The following TENM2 variants were observed in gnomAD, a reference collection of about 807,000 sequenced individuals.
TENM2 encodes the protein teneurin transmembrane protein 2.
TENM2 carries 52 observed loss-of-function variants against 245.2 expected under a neutral mutation model. The ratio of observed to expected loss-of-function variants is 0.21; its 90% confidence interval spans 0.17 to 0.27. The LOEUF is 0.27. Among genes scored for constraint, TENM2 ranks in the 10% least tolerant of loss-of-function variants. TENM2 has a pLI of 1.00. For synonymous variants in TENM2, 1,363 were observed against 1,438.9 expected (o/e 0.95, Z 1.19); for missense variants, 3,046 against 3,666.8 (o/e 0.83, Z 4.37).
At chr5:167,433,170 G>A (rs1764351096) in intron 2 of TENM2, among the ~76,000 whole-genome samples, 1 of 151,238 alleles carries the variant, frequency 6.6e-6, no homozygotes, top group Non-Finnish European at 1.5e-5. Flanking sequence ...CCTTAACAAA[G>A]TTTATTAACA....
At chr5:167,441,205 C>G (rs1171988184) in intron 2 of TENM2, among the ~76,000 whole-genome samples, 1 of 152,104 alleles carries the variant, frequency 6.6e-6, no homozygotes, top group African/African-American at 2.4e-5. Context: ...AATATTAACT[C>G]TTTTTTCAAG....
intron 5 of TENM2, among the ~76,000 whole-genome samples, chr5:168,036,933 C>T (rs1013547176): frequency 6.6e-6 from 1 of 151,900 alleles, no homozygotes; most frequent in African/African-American, 2.4e-5. Flanking sequence ...GCTCTTTCCT[C>T]ATAAGAAGCT....
At position 168,218,607 on chromosome 5, in the gene TENM2, G is replaced by A. The variant is rs1011287548; in HGVS notation, c.4716G>A (p.Lys1572=). Residue 1572 remains lysine (K), a synonymous_variant, in exon 23 of 29, where the codon AAG becomes AAA. Coordinates refer to ENST00000518659, the Ensembl canonical transcript of TENM2. The surrounding 1 kb of genome is among the most constrained non-coding windows in gnomAD (Gnocchi z 5.2). ...ATATTCGGATCAGGGCGGTCAGCAA[G>A]AACAAGCCTGTTCTTAATGCCTTCA... The A allele has an allele frequency of 3.1e-6, 5 of 1,613,868 alleles. No homozygotes were observed. Among genetic ancestry groups the A allele is most frequent in the African/African-American group, 2.7e-5 (2 of 74,926 alleles).
chr5:167,097,155 C>T, the TENM2 span, among the ~76,000 whole-genome samples: 7 of 152,030 alleles, frequency 4.6e-5, no homozygotes, highest in African/African-American at 1.5e-4. Flanking sequence ...GGGTGTTTGC[C>T]GGCGCTAGTC....
chr5:168,041,169 C>T (rs895128296), intron 5 of TENM2, among the ~76,000 whole-genome samples: 12 of 152,166 alleles, frequency 7.9e-5, no homozygotes, highest in African/African-American at 2.9e-4. Flanking sequence ...AGAACTCTGA[C>T]TCTGAAGTTG....
intron 17 of TENM2, 25 bp downstream of exon 19, chr5:168,200,156 T>C (rs1181390730): frequency 1.9e-6 from 3 of 1,600,476 alleles, no homozygotes; most frequent in South Asian, 1.1e-5. Context: ...CAACCACTTA[T>C]TGATCAATGG....
At chr5:168,226,336 G>A in intron 24 of TENM2, 73 bp downstream of exon 26, 7 of 1,430,178 alleles carry the variant, frequency 4.9e-6, no homozygotes, top group Non-Finnish European at 5.8e-6. Context: ...CCCAACATGT[G>A]AGTTATGCAG....
chr5:168,125,204 A>T (rs77719428), intron 11 of TENM2, among the ~76,000 whole-genome samples, 154 bp downstream of exon 13: 1 of 152,170 alleles, frequency 6.6e-6, no homozygotes, highest in Non-Finnish European at 1.5e-5. Context: ...CTTCTCCTCA[A>T]TCGTGGAGTC....
intron 2 of TENM2, among the ~76,000 whole-genome samples, chr5:167,488,131 C>G (rs1388357110): frequency 6.6e-6 from 1 of 152,068 alleles, no homozygotes; most frequent in Non-Finnish European, 1.5e-5. Context: ...TACTGTTTCT[C>G]TCCTTCATCA....
chr5:167,343,826 A>G (rs190537302), intron 1 of TENM2, among the ~76,000 whole-genome samples: 1 of 152,258 alleles, frequency 6.6e-6, no homozygotes, highest in Admixed American at 6.5e-5. Flanking sequence ...TGGTAGATCC[A>G]GTTGAGAAAT....
chr5:167,342,859 A>G (rs941018254), intron 1 of TENM2, among the ~76,000 whole-genome samples: 54 of 142,366 alleles, frequency 3.8e-4, no homozygotes, highest in Admixed American at 4.2e-4. Context: ...TCCATGATGC[A>G]TTTTTTTTTT....
chr5:167,748,983 G>A (rs924689265), intron 2 of TENM2, among the ~76,000 whole-genome samples: 1 of 152,068 alleles, frequency 6.6e-6, no homozygotes, highest in Non-Finnish European at 1.5e-5. Flanking sequence ...TTGGTCTCAA[G>A]CCATTCTCTC....
At chr5:167,848,699 A>G (rs1235225451) in intron 2 of TENM2, among the ~76,000 whole-genome samples, 1 of 152,096 alleles carries the variant, frequency 6.6e-6, no homozygotes, top group Non-Finnish European at 1.5e-5. Flanking sequence ...ACATTGGTTC[A>G]CTCTCTGGTG....
the TENM2 span, among the ~76,000 whole-genome samples, chr5:167,116,150 G>A: frequency 4.6e-5 from 7 of 152,138 alleles, no homozygotes; most frequent in South Asian, 2.1e-4. Flanking sequence ...GATTTATTGC[G>A]GGAAAGGACT....
chr5:168,069,921 C>T (rs977574671), intron 7 of TENM2, among the ~76,000 whole-genome samples: 4 of 151,952 alleles, frequency 2.6e-5, no homozygotes, highest in Non-Finnish European at 2.9e-5. Context: ...CAGTTAAACA[C>T]GGAGGCAGAG....
chr5:167,712,078 C>T (rs555130980), intron 2 of TENM2, among the ~76,000 whole-genome samples: 3 of 152,284 alleles, frequency 2.0e-5, no homozygotes, highest in African/African-American at 7.2e-5. Context: ...GCTAGACTTT[C>T]CTCATCTTTA....
At chr5:167,762,185 G>A (rs1168814823) in intron 2 of TENM2, among the ~76,000 whole-genome samples, 1 of 152,092 alleles carries the variant, frequency 6.6e-6, no homozygotes, top group Non-Finnish European at 1.5e-5. Context: ...ACGTGCACGT[G>A]CATGGATACG....
chr5:168,122,246 G>A (rs958319905), intron 10 of TENM2, among the ~76,000 whole-genome samples: 6 of 152,132 alleles, frequency 3.9e-5, no homozygotes, highest in Admixed American at 2.6e-4. Flanking sequence ...GCGCAATCTC[G>A]GCTCACTGCA....
At chr5:167,387,491 T>C (rs1337153083) in intron 2 of TENM2, among the ~76,000 whole-genome samples, 1 of 152,070 alleles carries the variant, frequency 6.6e-6, no homozygotes, top group Non-Finnish European at 1.5e-5. Flanking sequence ...TCCTTTTTAC[T>C]GATTTGGATA....
Sources: allele counts gnomAD v4.1 joint callset (sites outside exome capture counted in the v4.1 genomes callset), GRCh38; gene constraint gnomAD v4.1.1; non-coding constraint Gnocchi (gnomAD v3.1); transcripts MANE v1.5; gene names NCBI Gene and HGNC (gene_info 2026-07-23, HGNC 2026-07-21).